The following TENM4 variants were observed in gnomAD, a reference collection of about 807,000 sequenced individuals.
TENM4 encodes the protein teneurin transmembrane protein 4, also known as teneurin-4.
Under a neutral mutation model 243.3 loss-of-function variants are expected in TENM4, and 82 were observed. The observed-to-expected ratio is 0.34, with a 90% CI of 0.28 to 0.40. TENM4 has a LOEUF of 0.40. Among genes scored for constraint, TENM4 ranks in the 10% least tolerant of loss-of-function variants. The probability of loss-of-function intolerance (pLI) is 1.00; values close to 1 mark genes in which losing one functional copy is unlikely to be tolerated. For missense variants in TENM4, 3,138 were observed against 3,673.3 expected, an observed-to-expected ratio of 0.85 and a Z score of 3.77; for synonymous variants, 1,412 against 1,456.3, an observed-to-expected ratio of 0.97 and a Z score of 0.69.
chr11:79,285,505 G>A (rs183953329), intron 2 of TENM4, among the ~76,000 whole-genome samples: 1 of 152,256 alleles, frequency 6.6e-6, no homozygotes, highest in Non-Finnish European at 1.5e-5. Flanking sequence ...ATCACTGCTA[G>A]ATATATACCC....
At chr11:79,230,755 A>G (rs992989579) in intron 2 of TENM4, among the ~76,000 whole-genome samples, 1 of 152,216 alleles carries the variant, frequency 6.6e-6, no homozygotes, top group African/African-American at 2.4e-5. Context: ...GCCAATGACA[A>G]TGGAGACAGG....
intron 6 of TENM4, among the ~76,000 whole-genome samples, chr11:78,917,484 GT>G (rs1369070943): frequency 2.6e-5 from 4 of 152,126 alleles, no homozygotes; most frequent in African/African-American, 9.7e-5. Flanking sequence ...CCACATGTGG[GT>G]TTTTTTATTT....
At chr11:78,989,153 T>C (rs943575487) in intron 6 of TENM4, among the ~76,000 whole-genome samples, 3 of 152,220 alleles carry the variant, frequency 2.0e-5, no homozygotes, top group Non-Finnish European at 2.9e-5. Flanking sequence ...GTTAGTCCTA[T>C]TGAAGGCCAA....
chr11:79,431,405 A>T (rs1859166539), intron 1 of TENM4, among the ~76,000 whole-genome samples: 1 of 152,200 alleles, frequency 6.6e-6, no homozygotes, highest in African/African-American at 2.4e-5. Context: ...ACTGCAATGA[A>T]CATTTTTATT....
At chr11:78,923,250 C>A (rs143109821) in intron 6 of TENM4, among the ~76,000 whole-genome samples, 7 of 152,240 alleles carry the variant, frequency 4.6e-5, no homozygotes, top group African/African-American at 1.7e-4. Flanking sequence ...AATTTTGAAC[C>A]AAGGGCCCTG....
At position 78,653,037 on chromosome 11, in the gene TENM4, G is replaced by T. The variant is rs1480041162; in HGVS notation, c.*5021C>A. 1 of 152,226 alleles carries T rather than the reference G, an allele frequency of 6.6e-6. No homozygotes were observed. Among genetic ancestry groups the T allele is most frequent in the African/African-American group, 2.4e-5 (1 of 41,450 alleles). 9.4% of individuals were successfully genotyped at this position (152,226 alleles called of 1,614,324 possible). ...ACGCTGCACTAGTGATGTCAGAGGA[G>T]CTGTGATATTTATTCCTGTCATGCA... On this transcript the variant is annotated 3_prime_UTR_variant, in exon 34 of 34. Coordinates refer to ENST00000278550, the MANE Select transcript of TENM4 (RefSeq NM_001098816.3).
chr11:79,067,153 C>A (rs1237662985), intron 5 of TENM4, among the ~76,000 whole-genome samples: 1 of 152,252 alleles, frequency 6.6e-6, no homozygotes, highest in Admixed American at 6.5e-5. Flanking sequence ...CCCGTGGGCT[C>A]TGCTCAGTGG....
At chr11:79,326,182 G>A (rs1565300492) in intron 1 of TENM4, among the ~76,000 whole-genome samples, 1 of 152,048 alleles carries the variant, frequency 6.6e-6, no homozygotes, top group East Asian at 1.9e-4. Context: ...ACCCTCTTGG[G>A]CCCCCCGCGG....
In TENM4 at chr11:78,786,950, G is replaced by A. The variant is rs373596133; in HGVS notation, c.2313C>T (p.Arg771=). The change falls in exon 16 of 34, where the codon CGC becomes CGT. Residue 771 remains arginine, a synonymous_variant. Coordinates refer to ENST00000278550, the MANE Select transcript of TENM4 (RefSeq NM_001098816.3). ...CAGGGCTGCACTCGCACTTGCCGTCGCGGCAGGTCCCATGCTCGGCACAGC... is the reference window on the plus strand; with the variant it reads ...CAGGGCTGCACTCGCACTTGCCGTCACGGCAGGTCCCATGCTCGGCACAGC... The part of the protein sequence containing the change: ...HPRCAEHGTC[R]DGKCECSPGW... The A allele has an allele frequency of 6.7e-5, 107 of 1,604,142 alleles. No individual in the cohort carries two copies. Among genetic ancestry groups the A allele is most frequent in the East Asian group, 1.3e-4 (6 of 44,460 alleles).
At position 78,812,331 on chromosome 11, in the gene TENM4, C is replaced by A. The variant is rs1374623270; in HGVS notation, c.1784-15G>T. On this transcript the variant is annotated splice_polypyrimidine_tract_variant and intron_variant, in intron 13 of 33. Coordinates refer to ENST00000278550, the MANE Select transcript of TENM4 (RefSeq NM_001098816.3). ...GGGGCAGGAGGCTGGGGAGACAGCACCGGAGTCTGGCATGAATCAATGTCC... is the reference window on the plus strand; with the variant it reads ...GGGGCAGGAGGCTGGGGAGACAGCAACGGAGTCTGGCATGAATCAATGTCC... 5.8e-6 allele frequency: 9 copies of A among 1,548,106 alleles called. No individual in the cohort carries two copies. The highest frequency in any genetic ancestry group is 7.0e-6 in the Non-Finnish European group (8 of 1,144,004).
chr11:78,889,798 C>T lies in TENM4; in HGVS notation c.1071G>A (p.Leu357=). The T allele has an allele frequency of 6.4e-7, 1 of 1,552,052 alleles. No individual in the cohort carries two copies. ...AGAGGTGCTTACCCACAAAGTATGCCAGCAGGATGACCAGAGTGGCTGAGA... is the reference window on the plus strand; with the variant it reads ...AGAGGTGCTTACCCACAAAGTATGCTAGCAGGATGACCAGAGTGGCTGAGA... The part of the protein sequence containing the change: ...IVISATLVIL[L]AYFVAMHLFG... Residue 357 remains leucine, a synonymous_variant, in exon 9 of 34, where the codon CTG becomes CTA. Coordinates refer to ENST00000278550, the MANE Select transcript of TENM4 (RefSeq NM_001098816.3).
chr11:78,888,326 TCAGA>T (rs770453465), intron 9 of TENM4, among the ~76,000 whole-genome samples: 2 of 152,126 alleles, frequency 1.3e-5, no homozygotes, highest in South Asian at 4.1e-4. Flanking sequence ...AACTAAACAA[TCAGA>T]CAGAAGAAGA....
chr11:79,019,959 G>C (rs1858883665), intron 6 of TENM4, among the ~76,000 whole-genome samples: 1 of 152,164 alleles, frequency 6.6e-6, no homozygotes, highest in Non-Finnish European at 1.5e-5. Flanking sequence ...TGAGTACCTG[G>C]TATTCTGTTG....
chr11:78,999,448 G>A (rs891666659), intron 6 of TENM4, among the ~76,000 whole-genome samples: 6 of 151,150 alleles, frequency 4.0e-5, no homozygotes, highest in Admixed American at 6.6e-5. Flanking sequence ...CCCGGGAGAC[G>A]GAGCTTGTAG....
At chr11:79,351,745 A>G (rs1427316271) in intron 1 of TENM4, among the ~76,000 whole-genome samples, 1 of 152,094 alleles carries the variant, frequency 6.6e-6, no homozygotes, top group Admixed American at 6.5e-5. Context: ...AAATAAATCT[A>G]TCTCTGTGGA....
At position 78,676,262 on chromosome 11, in the gene TENM4, C is replaced by T. The variant is rs755284324; in HGVS notation, c.5386G>A (p.Gly1796Ser). The T allele has an allele frequency of 1.2e-6, 2 of 1,612,498 alleles. No homozygotes were observed. The highest frequency in any genetic ancestry group is 1.7e-5 in the Admixed American group (1 of 59,976). ...ATGGGCAGCGTGACATTCCTCTTGCCCACGGTGGGGTTGACGGTGCCAGCC... is the reference window on the plus strand; with the variant it reads ...ATGGGCAGCGTGACATTCCTCTTGCTCACGGTGGGGTTGACGGTGCCAGCC... ...LLAGTVNPTV[G>S]KRNVTLPIDN... is the part of the protein sequence containing the mutation. The change falls in exon 30 of 34, where the codon GGC (glycine) becomes AGC (serine). Residue 1796 changes from glycine (G) to serine (S), a missense_variant. Coordinates refer to ENST00000278550, the MANE Select transcript of TENM4 (RefSeq NM_001098816.3).
intron 6 of TENM4, among the ~76,000 whole-genome samples, chr11:79,049,719 T>C (rs1039926826): frequency 4.6e-5 from 7 of 152,226 alleles, no homozygotes; most frequent in African/African-American, 1.7e-4. Flanking sequence ...AGATTGGAAT[T>C]TGGTGCATGC....
intron 6 of TENM4, chr11:79,021,519 T>G (rs1376172489): frequency 3.3e-5 from 5 of 152,190 alleles, no homozygotes; most frequent in African/African-American, 1.2e-4. Context: ...GCTGGGGTAT[T>G]TATATGCCTG....
At chr11:79,032,886 C>T (rs937840093) in intron 6 of TENM4, among the ~76,000 whole-genome samples, 14 of 152,068 alleles carry the variant, frequency 9.2e-5, no homozygotes, top group Admixed American at 3.9e-4. Flanking sequence ...ATTATTTTCA[C>T]GACAAAAAGT....
Sources: allele counts gnomAD v4.1 joint callset (sites outside exome capture counted in the v4.1 genomes callset), GRCh38; gene constraint gnomAD v4.1.1; transcripts MANE v1.5; gene names NCBI Gene and HGNC (gene_info 2026-07-23, HGNC 2026-07-21).